Variants in GALNT13 observed in about 807,000 individuals in gnomAD.
GALNT13 encodes polypeptide N-acetylgalactosaminyltransferase 13, also known as UDP-GalNAc:polypeptide N-acetylgalactosaminyltransferase 13.
In GALNT13, 28 loss-of-function variants were observed where a neutral mutation model predicts 64.2. The observed-to-expected ratio is 0.44, with a 90% CI of 0.32 to 0.60. GALNT13 has a LOEUF of 0.60. Among genes scored for constraint, GALNT13 ranks in the 20% least tolerant of loss-of-function variants. The pLI, the probability that GALNT13 is intolerant of heterozygous loss-of-function variation, is 0.05. For missense variants in GALNT13, 577 were observed against 669.8 expected (o/e 0.86, Z 1.53); for synonymous variants, 214 against 224.6 (o/e 0.95, Z 0.42).
At chr2:154,332,714 C>T (rs1045716567) in intron 9 of GALNT13, among the ~76,000 whole-genome samples, 1 of 152,002 alleles carries the variant, frequency 6.6e-6, no homozygotes, top group Non-Finnish European at 1.5e-5. Context: ...TGGCCAGTGC[C>T]TCCTCTTTCC....
At chr2:153,328,348 G>C in the GALNT13 span, among the ~76,000 whole-genome samples, 1 of 152,152 alleles carries the variant, frequency 6.6e-6, no homozygotes, top group African/African-American at 2.4e-5. Flanking sequence ...GAGATCCATT[G>C]CTCTCTTCAG....
chr2:153,164,017 C>T, the GALNT13 span, among the ~76,000 whole-genome samples: 1 of 102,716 alleles, frequency 9.7e-6, no homozygotes, highest in African/African-American at 3.4e-5. Context: ...GGCTCCGTCT[C>T]AAAAAAAAAA....
In GALNT13 at chr2:154,320,144, G is replaced by A. The variant is rs536484098; in HGVS notation, c.1156+18555G>A. On this transcript the variant is annotated intron_variant, in intron 9 of 12. Coordinates refer to ENST00000392825, the MANE Select transcript of GALNT13 (RefSeq NM_052917.4). ...AAGGGTAGCTATTTACCAAGATGAG[G>A]TTTTTCTCTGCCAAATGATTAAGTG... Among the ~76,000 whole-genome samples, 8 of 152,150 alleles carry A rather than the reference G, an allele frequency of 5.3e-5. No homozygotes were observed. The East Asian group carries it at 1.6e-3, about 30-fold the overall frequency.
the GALNT13 span, among the ~76,000 whole-genome samples, chr2:153,394,854 C>A: frequency 6.6e-6 from 1 of 152,116 alleles, no homozygotes; most frequent in Non-Finnish European, 1.5e-5. Flanking sequence ...AGGATTCTGG[C>A]ACGTTTTCGT....
At chr2:154,146,962 A>G (rs1343871857) in intron 4 of GALNT13, among the ~76,000 whole-genome samples, 1 of 152,038 alleles carries the variant, frequency 6.6e-6, no homozygotes, top group Non-Finnish European at 1.5e-5. Flanking sequence ...TGAAAATCAA[A>G]TGATTATAAT....
the GALNT13 span, among the ~76,000 whole-genome samples, chr2:153,861,914 T>G: frequency 6.6e-6 from 1 of 152,110 alleles, no homozygotes. Flanking sequence ...GCCATGACAC[T>G]AGGTCTTATA....
At chr2:154,152,328 G>A (rs1466537354) in intron 4 of GALNT13, among the ~76,000 whole-genome samples, 1 of 151,992 alleles carries the variant, frequency 6.6e-6, no homozygotes, top group Non-Finnish European at 1.5e-5. Flanking sequence ...TTCCCTTTGT[G>A]GGTAACCCGA....
intron 3 of GALNT13, among the ~76,000 whole-genome samples, chr2:154,077,085 C>G (rs1036075147): frequency 2.0e-5 from 3 of 151,542 alleles, no homozygotes; most frequent in African/African-American, 7.3e-5. Context: ...ACAAAACACA[C>G]TAGGAATTTA....
chr2:153,750,711 CAT>C, the GALNT13 span, among the ~76,000 whole-genome samples: 6 of 151,714 alleles, frequency 4.0e-5, 1 homozygote, highest in Admixed American at 6.6e-5. Context: ...GACCTTTTCT[CAT>C]TTTTTCTTTG....
intron 11 of GALNT13, among the ~76,000 whole-genome samples, chr2:154,420,389 A>G (rs1700198851): frequency 6.6e-6 from 1 of 152,090 alleles, no homozygotes; most frequent in Admixed American, 6.6e-5. Flanking sequence ...TTTCCAGCAG[A>G]ACTTATTACT....
At chr2:153,309,779 A>C in the GALNT13 span, among the ~76,000 whole-genome samples, 2 of 152,146 alleles carry the variant, frequency 1.3e-5, no homozygotes, top group South Asian at 4.1e-4. Flanking sequence ...TAGTTTTACA[A>C]ATTAGAGAAT....
At chr2:153,765,538 C>T in the GALNT13 span, among the ~76,000 whole-genome samples, 2 of 152,176 alleles carry the variant, frequency 1.3e-5, no homozygotes, top group Non-Finnish European at 2.9e-5. Context: ...TTTGATTTTA[C>T]AGGCTCATAG....
chr2:153,292,367 G>A, the GALNT13 span, among the ~76,000 whole-genome samples: 1 of 152,180 alleles, frequency 6.6e-6, no homozygotes. Flanking sequence ...ACTCTTATAT[G>A]CTGGGAATCA....
intron 3 of GALNT13, among the ~76,000 whole-genome samples, chr2:154,037,556 G>C (rs777896960): frequency 5.3e-5 from 8 of 151,986 alleles, no homozygotes; most frequent in African/African-American, 1.9e-4. Context: ...TGGGAAAGAG[G>C]AAGTCAAATT....
intron 2 of GALNT13, among the ~76,000 whole-genome samples, chr2:153,930,831 T>C (rs1377978013): frequency 1.3e-5 from 2 of 152,134 alleles, no homozygotes; most frequent in Non-Finnish European, 2.9e-5. Context: ...ATATGAACTT[T>C]AGAATAGTTT....
At chr2:154,139,299 T>G (rs1006383119) in intron 3 of GALNT13, among the ~76,000 whole-genome samples, 3 of 152,100 alleles carry the variant, frequency 2.0e-5, no homozygotes, top group Non-Finnish European at 4.4e-5. Context: ...TTTATGTTTT[T>G]AATGAAATGT....
chr2:153,298,247 T>A, the GALNT13 span, among the ~76,000 whole-genome samples: 1 of 152,174 alleles, frequency 6.6e-6, no homozygotes, highest in South Asian at 2.1e-4. Context: ...GAGTTGAAAG[T>A]GTGCAAATTA....
chr2:153,628,585 C>T, the GALNT13 span, among the ~76,000 whole-genome samples: 2 of 152,062 alleles, frequency 1.3e-5, no homozygotes, highest in Non-Finnish European at 2.9e-5. Flanking sequence ...AAGGCCTTTT[C>T]TGCATCTATT....
chr2:153,541,484 A>G, the GALNT13 span, among the ~76,000 whole-genome samples: 2 of 152,162 alleles, frequency 1.3e-5, no homozygotes, highest in African/African-American at 2.4e-5. Flanking sequence ...AGAAACTAGA[A>G]TCCTTCTTCT....
Sources: allele counts gnomAD v4.1 joint callset (sites outside exome capture counted in the v4.1 genomes callset), GRCh38; gene constraint gnomAD v4.1.1; transcripts MANE v1.5; gene names NCBI Gene and HGNC (gene_info 2026-07-23, HGNC 2026-07-21).